Variants in RPTOR observed in about 807,000 individuals in gnomAD.
RPTOR encodes regulatory associated protein of MTOR complex 1.
Under a neutral mutation model 169.9 loss-of-function variants are expected in RPTOR, and 21 were observed. That is an observed-to-expected ratio of 0.12 (90% CI 0.09 to 0.18). RPTOR has a LOEUF of 0.18. Among genes scored for constraint, RPTOR ranks in the 10% least tolerant of loss-of-function variants. RPTOR has a pLI of 1.00. For synonymous variants in RPTOR, 732 were observed against 753.2 expected (o/e 0.97, Z 0.46); for missense variants, 1,133 against 1,855.9 (o/e 0.61, Z 7.16).
At chr17:80,644,307 G>T (rs1564869) in intron 3 of RPTOR, among the ~76,000 whole-genome samples, 10,669 of 109,186 alleles carry the variant, frequency 0.098, 555 homozygotes, top group Middle Eastern at 0.14. Context: ...TAGTGTGTGG[G>T]TTTTTTTTTT....
rs2067729849 is a variant in RPTOR, at chr17:80,846,338, C to A, written c.1213-135C>A. ...CATGCCCAGAGCGCCCGCTTCTCAG[C>A]CGCCTGGCATCCTCGCGGCCCTGCA... On this transcript the variant is annotated intron_variant, in intron 10 of 33. Transcript: ENST00000306801. The A allele has an allele frequency of 4.1e-5, 33 of 813,244 alleles. 2 individuals carry two copies. In the South Asian group the frequency reaches 4.7e-4, roughly 12 times the overall value. The allele number at this position is 813,244 out of a possible 1,614,324, so 50.4% of individuals were successfully genotyped here.
chr17:80,942,386 G>A (rs997555550), intron 25 of RPTOR, among the ~76,000 whole-genome samples: 9 of 149,070 alleles, frequency 6.0e-5, no homozygotes, highest in Admixed American at 4.1e-4. Flanking sequence ...GCCGGCATTC[G>A]AGACCCAAAA....
intron 3 of RPTOR, among the ~76,000 whole-genome samples, chr17:80,676,004 C>T (rs1443119014): frequency 5.0e-5 from 7 of 140,306 alleles, no homozygotes; most frequent in Admixed American, 2.1e-4. Context: ...GGTGTACAAG[C>T]AGACAATTCT....
chr17:80,588,166 C>CTT (rs71163973), intron 1 of RPTOR, among the ~76,000 whole-genome samples: 27 of 138,592 alleles, frequency 1.9e-4, no homozygotes, highest in African/African-American at 6.1e-4. Flanking sequence ...TTTATCCATT[C>CTT]TTTTTTTTTT....
rs753056952 is a variant in RPTOR, at chr17:80,708,875, G to C, written c.507+876G>C. On this transcript the variant is annotated intron_variant, in intron 4 of 33. Coordinates refer to ENST00000306801, the MANE Select transcript of RPTOR (RefSeq NM_020761.3). The surrounding 1 kb of genome is among the most constrained non-coding windows in gnomAD (Gnocchi z 4.2). ...TCCAGCAAATCCGAGTCCCAGTTTC[G>C]GTTGTGCTGTCAGCCTCCTGGGCTT... 5.2e-6 allele frequency: 5 copies of C among 954,428 alleles called. No individual in the cohort carries two copies. The highest frequency in any genetic ancestry group is 6.2e-6 in the Non-Finnish European group (5 of 801,430). 59.1% of individuals were successfully genotyped at this position (954,428 alleles called of 1,614,324 possible). A position where few individuals can be genotyped will look rare whatever the true frequency, so the allele number is the denominator to read the frequency against.
chr17:80,763,253 A>T (rs77948173), intron 6 of RPTOR, among the ~76,000 whole-genome samples: 4,244 of 152,218 alleles, frequency 0.028, 210 homozygotes, highest in African/African-American at 0.097. Context: ...CTCTAAAAAA[A>T]AATAATAATA....
At chr17:80,683,202 C>T (rs1454322446) in intron 3 of RPTOR, among the ~76,000 whole-genome samples, 2 of 152,224 alleles carry the variant, frequency 1.3e-5, no homozygotes, top group Non-Finnish European at 2.9e-5. Flanking sequence ...TTTGATGGCA[C>T]TTCATCCTCC....
chr17:80,577,858 G>A (rs1167515173), intron 1 of RPTOR, among the ~76,000 whole-genome samples: 1 of 152,178 alleles, frequency 6.6e-6, no homozygotes, highest in African/African-American at 2.4e-5. Context: ...GAAGACCTAC[G>A]CTTAATGAAG....
intron 16 of RPTOR, 140 bp downstream of exon 16, chr17:80,884,112 G>A (rs2068215396): frequency 1.2e-6 from 1 of 843,528 alleles, no homozygotes; most frequent in Non-Finnish European, 1.8e-6. Context: ...GTAGGACAGT[G>A]GGACCTTGGT....
rs1567815080 is a variant in RPTOR, at chr17:80,602,377, C to T, written c.163-23314C>T. 9.4e-5 allele frequency among the ~76,000 whole-genome samples: 4 copies of T among 42,584 alleles called. 1 individual carries two copies. Among genetic ancestry groups the T allele is most frequent in the East Asian group, 5.8e-4 (1 of 1,730 alleles). 27.9% of individuals were successfully genotyped at this position (42,584 alleles called of 152,430 possible). ...GCGGCTGGCTGGGCAGGGGGGCTGA[C>T]CCCCCCACCTCCCTCCCGGACGGGG... On this transcript the variant is annotated intron_variant, in intron 1 of 33. Coordinates refer to ENST00000306801, the MANE Select transcript of RPTOR (RefSeq NM_020761.3).
At chr17:80,893,004 A>G (rs746922776) in intron 19 of RPTOR, 135 bp downstream of exon 19, 4 of 1,085,292 alleles carry the variant, frequency 3.7e-6, no homozygotes, top group Admixed American at 2.3e-5. Context: ...ATCTGCCAAC[A>G]TGGTGATGAG....
At chr17:80,546,477 G>A (rs1439573458) in intron 1 of RPTOR, among the ~76,000 whole-genome samples, 1 of 151,898 alleles carries the variant, frequency 6.6e-6, no homozygotes. Flanking sequence ...CTCACAAGCA[G>A]CTGGTAGGAA....
At chr17:80,802,984 G>C (rs1168829179) in intron 7 of RPTOR, 1 of 152,460 alleles carries the variant, frequency 6.6e-6, no homozygotes, top group Non-Finnish European at 1.5e-5. Context: ...CCTTCCCTGA[G>C]AGTCTGTTGC....
chr17:80,552,735 G>A (rs576975080), intron 1 of RPTOR, among the ~76,000 whole-genome samples: 1 of 152,338 alleles, frequency 6.6e-6, no homozygotes, highest in South Asian at 2.1e-4. Flanking sequence ...TAGTTGAATG[G>A]CTTACCTAAA....
At position 80,861,234 on chromosome 17, in the gene RPTOR, G is replaced by A. The variant is rs766536523; in HGVS notation, c.1509+3334G>A. On this transcript the variant is annotated intron_variant, in intron 13 of 33. Coordinates refer to ENST00000306801, the MANE Select transcript of RPTOR (RefSeq NM_020761.3). This position sits in a 1 kb window ranked among gnomAD's most constrained non-coding sequence, Gnocchi z 4.5. ...TGCCTCTGTAAAATCATGAGCCTTC[G>A]GCCGTCTGCCTTCAGCCACAGTTCC... 6.2e-5 allele frequency among the ~76,000 whole-genome samples: 9 copies of A among 144,216 alleles called. 2 individuals are homozygous for A. Among genetic ancestry groups the A allele is most frequent in the South Asian group, 2.2e-4 (1 of 4,456 alleles). 94.6% of individuals were successfully genotyped at this position (144,216 alleles called of 152,430 possible).
Position 80,880,586 on chromosome 17 carries a change from AG to A in RPTOR, c.1584+99del, listed in dbSNP as rs771518420. On this transcript the variant is annotated intron_variant, in intron 14 of 33. Transcript: ENST00000306801. Reference sequence around the variant, plus strand: ...GGTGGGGCCTTTTGACGGGGGCTACAGGAGAAAGGTCAAGGGTCACAGCAGG... The same window carrying A: ...GGTGGGGCCTTTTGACGGGGGCTACAGAGAAAGGTCAAGGGTCACAGCAGG... 8.1e-5 allele frequency: 95 copies of A among 1,171,636 alleles called. 1 individual carries two copies. The highest frequency in any genetic ancestry group is 3.8e-4 in the Middle Eastern group (2 of 5,210). 72.6% of individuals were successfully genotyped at this position (1,171,636 alleles called of 1,614,324 possible).
chr17:80,614,734 G>A (rs1037484236), intron 1 of RPTOR, among the ~76,000 whole-genome samples: 1 of 152,214 alleles, frequency 6.6e-6, no homozygotes, highest in Non-Finnish European at 1.5e-5. Flanking sequence ...GCCAAGAGAG[G>A]CTTTGAAGCA....
intron 3 of RPTOR, among the ~76,000 whole-genome samples, chr17:80,674,589 G>T (rs1401105651): frequency 1.3e-5 from 2 of 151,980 alleles, no homozygotes; most frequent in Admixed American, 6.5e-5. Context: ...TCGCCACCAC[G>T]CCCAGAAGAG....
intron 6 of RPTOR, among the ~76,000 whole-genome samples, chr17:80,791,230 C>A (rs2067044758): frequency 6.6e-6 from 1 of 151,722 alleles, no homozygotes; most frequent in Admixed American, 6.6e-5. Context: ...TTTCTCCTGA[C>A]AACTCACTGT....
Sources: allele counts gnomAD v4.1 joint callset (sites outside exome capture counted in the v4.1 genomes callset), GRCh38; gene constraint gnomAD v4.1.1; non-coding constraint Gnocchi (gnomAD v3.1); transcripts MANE v1.5; gene names NCBI Gene and HGNC (gene_info 2026-07-23, HGNC 2026-07-21).